CROT: variants seen among roughly 807,000 people sequenced by gnomAD.
CROT encodes the protein peroxisomal carnitine O-octanoyltransferase.
In CROT, 84 loss-of-function variants were observed where a neutral mutation model predicts 89.2. That is an observed-to-expected ratio of 0.94 (90% CI 0.79 to 1.13). The LOEUF is 1.13. CROT is among the 50% of genes most tolerant of loss of function. CROT has a pLI of 0.00. For missense variants in CROT, 711 were observed against 727.8 expected, an observed-to-expected ratio of 0.98 and a Z score of 0.27; for synonymous variants, 212 against 239.5, an observed-to-expected ratio of 0.89 and a Z score of 1.06.
chr7:87,381,390 T>C lies in CROT; in HGVS notation c.979-520T>C, dbSNP rs148936679. On this transcript the variant is annotated intron_variant, in intron 10 of 17. Transcript: ENST00000331536. The stretch of plus-strand genomic sequence containing the variant: ...CCTATCTTTCCCACATTTCTTAAAC[T>C]GAGAATTATCACATTGGGACATTCA... 3.0e-3 allele frequency among the ~76,000 whole-genome samples: 457 copies of C among 152,308 alleles called. 1 individual carries two copies. The highest frequency in any genetic ancestry group is 4.8e-3 in the Non-Finnish European group (328 of 68,022).
intron 13 of CROT, among the ~76,000 whole-genome samples, chr7:87,389,818 G>C (rs1283215042): frequency 2.8e-5 from 2 of 71,590 alleles, no homozygotes; most frequent in African/African-American, 6.2e-5. Flanking sequence ...TTTAAATCCA[G>C]TTTTTGTTGT....
chr7:87,381,871 A>G, intron 10 of CROT, 39 bp from the exon 11 acceptor site: 2 of 1,392,318 alleles, frequency 1.4e-6, no homozygotes, highest in Non-Finnish European at 2.0e-6. Context: ...TTTTAAGTTG[A>G]CATAAAGTAT....
intron 7 of CROT, among the ~76,000 whole-genome samples, chr7:87,373,463 G>A (rs901611660): frequency 9.9e-5 from 15 of 151,544 alleles, no homozygotes; most frequent in African/African-American, 3.6e-4. Context: ...TGTTACATGT[G>A]CTTTTGGAAT....
At chr7:87,373,231 A>G (rs907053312) in intron 7 of CROT, among the ~76,000 whole-genome samples, 1 of 152,174 alleles carries the variant, frequency 6.6e-6, no homozygotes, top group African/African-American at 2.4e-5. Context: ...CCATTTGTAT[A>G]TATCTTCCTT....
chr7:87,370,681 T>A (rs1806603744), intron 7 of CROT, among the ~76,000 whole-genome samples: 1 of 152,170 alleles, frequency 6.6e-6, no homozygotes, highest in Non-Finnish European at 1.5e-5. Context: ...TTTCTAATAC[T>A]CCAAAGATTC....
intron 4 of CROT, 163 bp downstream of exon 4, chr7:87,359,493 G>C (rs1243861115): frequency 7.2e-7 from 1 of 1,379,770 alleles, no homozygotes; most frequent in Admixed American, 3.3e-5. Context: ...GGAGTTTTCA[G>C]TGGGTGGATT....
intron 3 of CROT, among the ~76,000 whole-genome samples, chr7:87,351,908 A>G (rs73194670): frequency 6.6e-6 from 1 of 152,300 alleles, no homozygotes; most frequent in Non-Finnish European, 1.5e-5. Context: ...TATTGAACAA[A>G]CGTGCATGTA....
At chr7:87,363,359 A>G (rs1806341199) in intron 6 of CROT, among the ~76,000 whole-genome samples, 1 of 152,228 alleles carries the variant, frequency 6.6e-6, no homozygotes, top group African/African-American at 2.4e-5. Flanking sequence ...AAGATTAGTA[A>G]CTACATGGCA....
chr7:87,388,332 A>C (rs1452621704), intron 13 of CROT, among the ~76,000 whole-genome samples: 1 of 152,190 alleles, frequency 6.6e-6, no homozygotes, highest in Non-Finnish European at 1.5e-5. Context: ...ATCCTAAGCA[A>C]AAAGAAAAAA....
At chr7:87,388,365 A>C (rs750719327) in intron 13 of CROT, among the ~76,000 whole-genome samples, 30 of 152,210 alleles carry the variant, frequency 2.0e-4, no homozygotes, top group Non-Finnish European at 3.5e-4. Context: ...ATGCTACCTG[A>C]CTTCAAACTG....
chr7:87,388,984 A>G (rs1807271283), intron 13 of CROT, among the ~76,000 whole-genome samples: 1 of 152,238 alleles, frequency 6.6e-6, no homozygotes, highest in African/African-American at 2.4e-5. Context: ...ACACTTCTCA[A>G]AAGAAGACAT....
At chr7:87,358,481 CAA>C (rs11405316) in intron 3 of CROT, among the ~76,000 whole-genome samples, 1 of 95,656 alleles carries the variant, frequency 1.0e-5, no homozygotes, top group Non-Finnish European at 2.0e-5. Context: ...GACTCCATCT[CAA>C]AAAAAAAAAA....
chr7:87,392,255 T>G (rs1807385085), intron 14 of CROT, among the ~76,000 whole-genome samples: 1 of 152,344 alleles, frequency 6.6e-6, no homozygotes, highest in African/African-American at 2.4e-5. Context: ...AACTGCTTTA[T>G]TGTCATTTTT....
intron 17 of CROT, among the ~76,000 whole-genome samples, chr7:87,397,154 C>G (rs1310864300): frequency 1.3e-5 from 2 of 152,070 alleles, no homozygotes; most frequent in African/African-American, 4.8e-5. Context: ...GAGTTCAAGA[C>G]CAGTCTGGCC....
chr7:87,394,698 T>A (rs1807468591), intron 17 of CROT, among the ~76,000 whole-genome samples: 1 of 152,008 alleles, frequency 6.6e-6, no homozygotes, highest in Admixed American at 6.6e-5. Flanking sequence ...GCAAAAAAAA[T>A]GCCTTTCTTG....
intron 16 of CROT, 29 bp from the exon 17 acceptor site, chr7:87,392,919 G>C (rs766686269): frequency 1.2e-6 from 2 of 1,612,886 alleles, no homozygotes; most frequent in Non-Finnish European, 1.7e-6. Context: ...TGTAGGCCTA[G>C]TAAAATGTTC....
intron 13 of CROT, among the ~76,000 whole-genome samples, chr7:87,385,725 G>A (rs1198727729): frequency 3.9e-5 from 6 of 152,154 alleles, no homozygotes; most frequent in Non-Finnish European, 5.9e-5. Flanking sequence ...TTGCATAAAA[G>A]TGGTGAAAGT....
intron 6 of CROT, among the ~76,000 whole-genome samples, chr7:87,367,215 T>C (rs1806476741): frequency 6.6e-6 from 1 of 152,208 alleles, no homozygotes; most frequent in Non-Finnish European, 1.5e-5. Context: ...ACAAGGGTCC[T>C]TATTCATGGA....
chr7:87,357,621 G>A, intron 3 of CROT: 2 of 875,482 alleles, frequency 2.3e-6, no homozygotes, highest in Non-Finnish European at 3.7e-6. Context: ...AGAAGAGACA[G>A]CTTATTGAAA....
Sources: gnomAD v4.1 joint callset for allele counts (sites outside exome capture counted in the v4.1 genomes callset) on GRCh38, gnomAD v4.1.1 for gene constraint, MANE v1.5 for transcripts, NCBI Gene and HGNC (gene_info 2026-07-23, HGNC 2026-07-21) for gene names.